Variants in DACH1 observed in about 807,000 individuals in gnomAD.
DACH1 encodes dachshund family transcription factor 1.
DACH1 carries 12 observed loss-of-function variants against 54.2 expected under a neutral mutation model. That is an observed-to-expected ratio of 0.22 (90% CI 0.14 to 0.36). The LOEUF is 0.36. Among genes scored for constraint, DACH1 ranks in the 10% least tolerant of loss-of-function variants. DACH1 has a pLI of 1.00. For synonymous variants in DACH1, 386 were observed against 366.2 expected, an observed-to-expected ratio of 1.05 and a Z score of -0.62; for missense variants, 805 against 929.8, an observed-to-expected ratio of 0.87 and a Z score of 1.75.
At chr13:71,654,810 G>A (rs1878979931) in intron 2 of DACH1, among the ~76,000 whole-genome samples, 1 of 152,120 alleles carries the variant, frequency 6.6e-6, no homozygotes, top group African/African-American at 2.4e-5. Flanking sequence ...AGATGGCTTT[G>A]ATAAACAAAA....
At chr13:71,806,803 G>T (rs1887524552) in intron 1 of DACH1, among the ~76,000 whole-genome samples, 1 of 152,120 alleles carries the variant, frequency 6.6e-6, no homozygotes, top group South Asian at 2.1e-4. Context: ...GATCTCCATG[G>T]AGAGTGTGAT....
chr13:71,839,270 C>T (rs1323375547), intron 1 of DACH1, among the ~76,000 whole-genome samples: 1 of 152,054 alleles, frequency 6.6e-6, no homozygotes, highest in Non-Finnish European at 1.5e-5. Flanking sequence ...ATTAAAATGT[C>T]AGTTCATACA....
At chr13:71,485,521 T>C (rs572210623) in intron 7 of DACH1, among the ~76,000 whole-genome samples, 29 of 148,980 alleles carry the variant, frequency 1.9e-4, no homozygotes, top group Non-Finnish European at 3.4e-4. Flanking sequence ...TAGGATTTTT[T>C]TTACAGGTCT....
chr13:71,495,112 T>C (rs999178070), intron 6 of DACH1, among the ~76,000 whole-genome samples: 2 of 152,094 alleles, frequency 1.3e-5, no homozygotes, highest in Non-Finnish European at 2.9e-5. Flanking sequence ...TCTTTTATTA[T>C]ATCACAAATT....
chr13:71,572,844 A>G lies in DACH1; in HGVS notation c.1295T>C (p.Ile432Thr). 6.2e-7 allele frequency: 1 copy of G among 1,610,892 alleles called. No individual in the cohort carries two copies. Among genetic ancestry groups the G allele is most frequent in the East Asian group, 2.2e-5 (1 of 44,822 alleles). ...SPPSRVETSV[I>T]KERVPDSPSP... ...ATTGTATAAAAAAAGAATTACCTTAATAACTGATGTCTCAACTCTGGATGG... is the reference window on the plus strand; with the variant it reads ...ATTGTATAAAAAAAGAATTACCTTAGTAACTGATGTCTCAACTCTGGATGG... The change falls in exon 4 of 11, where the codon ATT becomes ACT. Residue 432 changes from isoleucine (I) to threonine (T), a missense_variant. By Grantham distance (89) the Ile-to-Thr change is moderately conservative. Around this residue, in one of 3 missense-constraint regions of DACH1, gnomAD observed 472 missense variants for 545.3 expected, o/e 0.87. Transcript: ENST00000613252.
At chr13:71,807,419 C>CAAAAAAAAAAAAAAAAAAAAAAAA (rs10688170) in intron 1 of DACH1, among the ~76,000 whole-genome samples, 1 of 99,722 alleles carries the variant, frequency 1.0e-5, no homozygotes, top group Non-Finnish European at 1.9e-5. Context: ...TCACAGATTG[C>CAAAAAAAAAAAAAAAAAAAAAAAA]AAAAAAAAAA....
chr13:71,548,295 A>G (rs1416818279), intron 6 of DACH1, among the ~76,000 whole-genome samples: 5 of 152,188 alleles, frequency 3.3e-5, no homozygotes, highest in Admixed American at 3.3e-4. Context: ...CTTCAAAACT[A>G]TTAGGTCAAA....
chr13:71,737,242 T>G (rs1460842447), intron 1 of DACH1, among the ~76,000 whole-genome samples: 8 of 151,082 alleles, frequency 5.3e-5, no homozygotes, highest in Admixed American at 5.3e-4. Flanking sequence ...AAAAAAAAAG[T>G]TGAAGGGAAA....
intron 6 of DACH1, among the ~76,000 whole-genome samples, chr13:71,522,504 C>A (rs757961835): frequency 6.6e-6 from 1 of 151,958 alleles, no homozygotes; most frequent in African/African-American, 2.4e-5. Context: ...CCAAACCAAG[C>A]GCAGTGGTGA....
At chr13:71,754,254 G>T (rs1566480284) in intron 1 of DACH1, among the ~76,000 whole-genome samples, 1 of 152,040 alleles carries the variant, frequency 6.6e-6, no homozygotes, top group African/African-American at 2.4e-5. Flanking sequence ...TTCCCTTCTG[G>T]CATCGCCCAT....
chr13:71,529,685 T>C (rs919149037), intron 6 of DACH1, among the ~76,000 whole-genome samples: 1 of 152,220 alleles, frequency 6.6e-6, no homozygotes, highest in African/African-American at 2.4e-5. Context: ...CAGTTGCATC[T>C]GTATATCACC....
At chr13:71,508,262 G>C (rs996091101) in intron 6 of DACH1, among the ~76,000 whole-genome samples, 12 of 152,062 alleles carry the variant, frequency 7.9e-5, no homozygotes, top group Non-Finnish European at 1.6e-4. Flanking sequence ...TATAATTCAC[G>C]TGGCCTGAAT....
At chr13:71,837,170 T>C (rs758868109) in intron 1 of DACH1, among the ~76,000 whole-genome samples, 11 of 152,086 alleles carry the variant, frequency 7.2e-5, no homozygotes, top group Non-Finnish European at 1.5e-4. Flanking sequence ...TAAGGTAATA[T>C]TAAGTAAATA....
intron 10 of DACH1, among the ~76,000 whole-genome samples, chr13:71,470,732 A>ACATAGGTCCTAAGC (rs1390696967): frequency 6.6e-6 from 1 of 152,238 alleles, no homozygotes; most frequent in African/African-American, 2.4e-5. Flanking sequence ...ACAAGATCTA[A>ACATAGGTCCTAAGC]CATAGGTCCT....
Position 71,740,467 on chromosome 13 carries a change from T to C in DACH1, c.849-58557A>G, listed in dbSNP as rs114119096. On this transcript the variant is annotated intron_variant, in intron 1 of 10. Transcript: ENST00000613252. ...ACATCTTAGAAAGCAGATAATGTTT[T>C]AAATTTAAAGATCACATAGAAATCA... 9.0e-3 allele frequency among the ~76,000 whole-genome samples: 1,374 copies of C among 152,300 alleles called. 25 individuals carry two copies. The highest frequency in any genetic ancestry group is 0.031 in the African/African-American group (1,271 of 41,580).
intron 1 of DACH1, among the ~76,000 whole-genome samples, chr13:71,825,425 C>T (rs1888342122): frequency 6.6e-6 from 1 of 151,982 alleles, no homozygotes; most frequent in Non-Finnish European, 1.5e-5. Flanking sequence ...TATGTTTGTT[C>T]CCCTTAAAAG....
chr13:71,617,599 C>T (rs150729338), intron 3 of DACH1, among the ~76,000 whole-genome samples: 1 of 152,186 alleles, frequency 6.6e-6, no homozygotes, highest in East Asian at 1.9e-4. Context: ...CTGAATCACA[C>T]CTGTGAAAAA....
intron 1 of DACH1, among the ~76,000 whole-genome samples, chr13:71,703,228 A>G (rs2138755772): frequency 6.6e-6 from 1 of 152,334 alleles, no homozygotes; most frequent in African/African-American, 2.4e-5. Flanking sequence ...ACATAGGCAG[A>G]ATGAGAATAA....
At chr13:71,513,380 G>T (rs1880926224) in intron 6 of DACH1, among the ~76,000 whole-genome samples, 1 of 151,912 alleles carries the variant, frequency 6.6e-6, no homozygotes, top group Non-Finnish European at 1.5e-5. Flanking sequence ...TTTGCCATTT[G>T]CTTAATTTCA....
Sources: allele counts gnomAD v4.1 joint callset (sites outside exome capture counted in the v4.1 genomes callset), GRCh38; gene constraint gnomAD v4.1.1; regional missense constraint gnomAD v4.1.1; transcripts MANE v1.5; gene names NCBI Gene and HGNC (gene_info 2026-07-23, HGNC 2026-07-21).